CCDC146: variants seen among roughly 807,000 people sequenced by gnomAD.
CCDC146 encodes the protein coiled-coil domain-containing protein 146.
Under a neutral mutation model 119.3 loss-of-function variants are expected in CCDC146, and 92 were observed. The observed-to-expected ratio is 0.77, with a 90% CI of 0.65 to 0.92. The LOEUF is 0.92. Ranked by LOEUF, CCDC146 falls within the 40% of genes least tolerant of loss-of-function variation. The pLI is 0.00. For synonymous variants in CCDC146, 372 were observed against 371.8 expected (o/e 1.00, Z -0.01); for missense variants, 1,000 against 1,103.0 (o/e 0.91, Z 1.32).
rs780838202 is a variant in CCDC146, at chr7:77,293,065, G to A, written c.2529G>A (p.Glu843=). 2 of 1,614,194 alleles carry A rather than the reference G, an allele frequency of 1.2e-6. No homozygotes were observed. The highest frequency in any genetic ancestry group is 1.7e-6 in the Non-Finnish European group (2 of 1,180,034). ...LTIELQKEVR[E]KEDFIFTCNS... is the part of the protein sequence containing the mutation. ...TTGAACTCCAAAAGGAAGTCAGGGA[G>A]AAAGAAGACTTCATCTTCACTTGCA... Residue 843 remains glutamate (E), a synonymous_variant, in exon 18 of 19, where the codon GAG becomes GAA. Transcript: ENST00000285871.
At chr7:77,216,790 G>T (rs936585500) in intron 2 of CCDC146, among the ~76,000 whole-genome samples, 5 of 152,058 alleles carry the variant, frequency 3.3e-5, no homozygotes, top group African/African-American at 9.7e-5. Flanking sequence ...ATTATAATTT[G>T]CTTTTTTGTC....
chr7:77,199,275 A>C (rs1344287766), intron 2 of CCDC146: 1 of 1,614,118 alleles, frequency 6.2e-7, no homozygotes, highest in South Asian at 1.1e-5. Flanking sequence ...CTTTGCTGTC[A>C]ACATAATTTT....
chr7:77,144,860 A>G (rs933228506), intron 1 of CCDC146, among the ~76,000 whole-genome samples: 1 of 151,460 alleles, frequency 6.6e-6, no homozygotes, highest in Non-Finnish European at 1.5e-5. Context: ...TTCATCAGGG[A>G]TATTGGTCTA....
chr7:77,228,661 T>C (rs2150472489), intron 2 of CCDC146, among the ~76,000 whole-genome samples: 1 of 152,356 alleles, frequency 6.6e-6, no homozygotes, highest in East Asian at 1.9e-4. Flanking sequence ...TTATATTCCT[T>C]TGGGTATATA....
At chr7:77,184,492 A>G (rs1057354027) in intron 2 of CCDC146, among the ~76,000 whole-genome samples, 5 of 152,250 alleles carry the variant, frequency 3.3e-5, no homozygotes, top group African/African-American at 1.2e-4. Context: ...ATAGAAATTT[A>G]AAAGTCACCA....
At chr7:77,273,859 TC>T in intron 10 of CCDC146, 70 bp downstream of exon 10, 1 of 954,706 alleles carries the variant, frequency 1.0e-6, no homozygotes, top group Non-Finnish European at 1.7e-6. Context: ...TTAACTGTGC[TC>T]CACAAAACCT....
chr7:77,150,140 GA>G (rs1181455048), intron 1 of CCDC146, among the ~76,000 whole-genome samples: 1 of 151,780 alleles, frequency 6.6e-6, no homozygotes, highest in Non-Finnish European at 1.5e-5. Flanking sequence ...GTTTGACAAA[GA>G]TTTTTTTTTA....
intron 2 of CCDC146, chr7:77,199,903 T>C: frequency 1.5e-6 from 2 of 1,340,712 alleles, no homozygotes; most frequent in South Asian, 2.9e-5. Flanking sequence ...GTGGGAGCGT[T>C]TGCATCACAA....
At chr7:77,141,125 T>TGA (rs1790926238) in intron 1 of CCDC146, among the ~76,000 whole-genome samples, 1 of 152,192 alleles carries the variant, frequency 6.6e-6, no homozygotes, top group African/African-American at 2.4e-5. Context: ...TGTGTCCCTG[T>TGA]GTTCTCATTG....
chr7:77,261,519 G>C (rs993791417), intron 8 of CCDC146, among the ~76,000 whole-genome samples: 1 of 151,806 alleles, frequency 6.6e-6, no homozygotes, highest in South Asian at 2.1e-4. Flanking sequence ...CGCCCAGGCC[G>C]GACTGCGGAC....
At chr7:77,286,727 C>G in intron 15 of CCDC146, 71 bp from the exon 16 acceptor site, 1 of 1,527,922 alleles carries the variant, frequency 6.5e-7, no homozygotes, top group South Asian at 1.2e-5. Flanking sequence ...TCTCAAGACC[C>G]TAGGCAATGT....
At chr7:77,142,418 C>CATGT (rs1393371255) in intron 1 of CCDC146, among the ~76,000 whole-genome samples, 1 of 148,602 alleles carries the variant, frequency 6.7e-6, no homozygotes, top group Non-Finnish European at 1.5e-5. Context: ...GCCATGTGTA[C>CATGT]ATGTATACAT....
At chr7:77,165,033 A>C (rs1584035844) in intron 1 of CCDC146, among the ~76,000 whole-genome samples, 3 of 152,370 alleles carry the variant, frequency 2.0e-5, no homozygotes, top group Non-Finnish European at 4.4e-5. Context: ...TCAGAGATCA[A>C]AAAGAGCTGA....
At chr7:77,150,583 C>T (rs2908603) in intron 1 of CCDC146, among the ~76,000 whole-genome samples, 21 of 152,272 alleles carry the variant, frequency 1.4e-4, no homozygotes, top group South Asian at 2.1e-4. Context: ...TGTGGAGCAG[C>T]GGGAACCCTG....
At chr7:77,166,708 AT>A (rs1349304747) in intron 1 of CCDC146, among the ~76,000 whole-genome samples, 2 of 152,100 alleles carry the variant, frequency 1.3e-5, no homozygotes, top group East Asian at 1.9e-4. Context: ...TAAGTAATAA[AT>A]TTTTTTAAAG....
chr7:77,254,646 C>G, intron 5 of CCDC146, 83 bp downstream of exon 5: 1 of 744,804 alleles, frequency 1.3e-6, no homozygotes, highest in Non-Finnish European at 2.2e-6. Flanking sequence ...TTATCACAAC[C>G]ACCATAGCCT....
Position 77,293,083 on chromosome 7 carries a change from C to T in CCDC146, c.2547C>T (p.Phe849=), listed in dbSNP as rs770158077. 3.7e-6 allele frequency: 6 copies of T among 1,614,086 alleles called. No individual in the cohort carries two copies. In the East Asian group the frequency reaches 8.9e-5, roughly 24 times the overall value. Residue 849 remains phenylalanine, a synonymous_variant, in exon 18 of 19, where the codon TTC becomes TTT. Transcript: ENST00000285871. The stretch of plus-strand genomic sequence containing the variant: ...TCAGGGAGAAAGAAGACTTCATCTT[C>T]ACTTGCAATTCCAGGATAGAAAAAG... The part of the protein sequence containing the change: ...KEVREKEDFI[F]TCNSRIEKGL...
chr7:77,282,547 T>C lies in CCDC146; in HGVS notation c.1920-10T>C. Reference sequence around the variant, plus strand: ...GCCCACTTAGCCTCTGCCTCTGAATTTGACCATAGTGGCGTTCAGCTGATA... The same window carrying C: ...GCCCACTTAGCCTCTGCCTCTGAATCTGACCATAGTGGCGTTCAGCTGATA... On this transcript the variant is annotated splice_polypyrimidine_tract_variant and intron_variant, in intron 14 of 18. Coordinates refer to ENST00000285871, the MANE Select transcript of CCDC146 (RefSeq NM_020879.3). 1 of 1,584,692 alleles carries C rather than the reference T, an allele frequency of 6.3e-7. No homozygotes were observed. Among genetic ancestry groups the C allele is most frequent in the Non-Finnish European group, 8.6e-7 (1 of 1,163,548 alleles).
At chr7:77,198,974 G>A (rs1033278473) in intron 2 of CCDC146, 3 of 556,408 alleles carry the variant, frequency 5.4e-6, no homozygotes, top group Non-Finnish European at 9.4e-6. Flanking sequence ...GACTTCCAGT[G>A]GATACAGAAC....
Sources: gnomAD v4.1 joint callset for allele counts (sites outside exome capture counted in the v4.1 genomes callset) on GRCh38, gnomAD v4.1.1 for gene constraint, MANE v1.5 for transcripts, NCBI Gene and HGNC (gene_info 2026-07-23, HGNC 2026-07-21) for gene names.